The following ASTN2 variants were observed in gnomAD, a reference collection of about 807,000 sequenced individuals.
ASTN2 encodes astrotactin-2.
Under a neutral mutation model 139.8 loss-of-function variants are expected in ASTN2, and 54 were observed. That is an observed-to-expected ratio of 0.39 (90% CI 0.31 to 0.48). ASTN2 has a LOEUF of 0.48. Among genes scored for constraint, ASTN2 ranks in the 20% least tolerant of loss-of-function variants. The probability of loss-of-function intolerance (pLI) is 0.95; values close to 1 mark genes in which losing one functional copy is unlikely to be tolerated. For synonymous variants in ASTN2, 756 were observed against 719.5 expected (o/e 1.05, Z -0.81); for missense variants, 1,565 against 1,725.1 (o/e 0.91, Z 1.64).
chr9:116,979,112 A>C (rs1836437848), intron 7 of ASTN2, among the ~76,000 whole-genome samples: 2 of 152,216 alleles, frequency 1.3e-5, no homozygotes, highest in African/African-American at 4.8e-5. Flanking sequence ...CTTGTTTTAT[A>C]GATGACACTG....
At chr9:116,569,374 C>G (rs571290852) in intron 19 of ASTN2, among the ~76,000 whole-genome samples, 2 of 152,226 alleles carry the variant, frequency 1.3e-5, no homozygotes, top group East Asian at 3.9e-4. Flanking sequence ...GTTCCTGGCA[C>G]AATATTAAGT....
At chr9:116,573,906 A>G (rs1207994457) in intron 19 of ASTN2, among the ~76,000 whole-genome samples, 1 of 152,216 alleles carries the variant, frequency 6.6e-6, no homozygotes. Flanking sequence ...CCCCAAAGCC[A>G]TACGTTGTAC....
chr9:117,197,778 T>C (rs1375974242), intron 3 of ASTN2, among the ~76,000 whole-genome samples: 1 of 152,224 alleles, frequency 6.6e-6, no homozygotes, highest in Non-Finnish European at 1.5e-5. Flanking sequence ...AATACAAACT[T>C]CTTTTTTTGT....
At chr9:116,908,960 G>A (rs746559957) in intron 10 of ASTN2, among the ~76,000 whole-genome samples, 1 of 152,162 alleles carries the variant, frequency 6.6e-6, no homozygotes, top group Non-Finnish European at 1.5e-5. Context: ...AGCATGGAGT[G>A]CTAGAAGGAC....
At chr9:117,072,352 C>G (rs1828158389) in intron 5 of ASTN2, among the ~76,000 whole-genome samples, 1 of 152,172 alleles carries the variant, frequency 6.6e-6, no homozygotes, top group Non-Finnish European at 1.5e-5. Context: ...CACTGTGGAT[C>G]GTAATGCTGA....
At chr9:117,006,293 A>G (rs10817972) in intron 7 of ASTN2, among the ~76,000 whole-genome samples, 111,622 of 151,948 alleles carry the variant, frequency 0.73, 45,313 homozygotes, top group East Asian at 0.93. Flanking sequence ...CTTACACCCA[A>G]AACAACACTC....
At chr9:116,429,058 G>A (rs1847406012) in intron 22 of ASTN2, among the ~76,000 whole-genome samples, 1 of 152,056 alleles carries the variant, frequency 6.6e-6, no homozygotes, top group Non-Finnish European at 1.5e-5. Flanking sequence ...CCAAGTGGAG[G>A]CCAGGAGCAG....
chr9:117,216,100 T>C (rs1459406100), intron 2 of ASTN2, among the ~76,000 whole-genome samples: 2 of 152,236 alleles, frequency 1.3e-5, no homozygotes, highest in African/African-American at 4.8e-5. Flanking sequence ...GACAACTATC[T>C]GTACAGCATC....
chr9:116,666,954 T>A (rs1242566938), intron 16 of ASTN2, among the ~76,000 whole-genome samples: 2 of 132,544 alleles, frequency 1.5e-5, no homozygotes, highest in Non-Finnish European at 3.2e-5. Context: ...TTATTCTTTT[T>A]TTTTTTTTTT....
In ASTN2 at chr9:116,698,907, G is replaced by A; in HGVS notation, c.2806+26864C>T. 1 of 1,614,190 alleles carries A rather than the reference G, an allele frequency of 6.2e-7. No individual in the cohort carries two copies. Among genetic ancestry groups the A allele is most frequent in the South Asian group, 1.1e-5 (1 of 91,068 alleles). On this transcript the variant is annotated intron_variant, in intron 16 of 22. Coordinates refer to ENST00000313400, the MANE Select transcript of ASTN2 (RefSeq NM_001365068.1). The surrounding 1 kb of genome is among the most constrained non-coding windows in gnomAD (Gnocchi z 4.4). ...CAGTCAAGGTGAAGTACTAGTCGCT[G>A]ACCGTGGTAACTATCGTATACAAGT...
intron 6 of ASTN2, among the ~76,000 whole-genome samples, chr9:117,024,084 C>T (rs7854767): frequency 0.42 from 63,739 of 151,932 alleles, 13,446 homozygotes; most frequent in East Asian, 0.56. Context: ...AGTCTCATCC[C>T]ATCCTCAAAC....
At chr9:116,468,326 T>C (rs1327951082) in intron 20 of ASTN2, among the ~76,000 whole-genome samples, 1 of 152,194 alleles carries the variant, frequency 6.6e-6, no homozygotes, top group Non-Finnish European at 1.5e-5. Flanking sequence ...TTATTGTTTA[T>C]CCTCCACAGG....
At chr9:116,839,501 A>G (rs1564296720) in intron 11 of ASTN2, among the ~76,000 whole-genome samples, 1 of 151,790 alleles carries the variant, frequency 6.6e-6, no homozygotes, top group Non-Finnish European at 1.5e-5. Context: ...TCCTTTTGAG[A>G]CAGAGTCTCG....
intron 1 of ASTN2, among the ~76,000 whole-genome samples, chr9:117,381,384 A>G (rs1321725155): frequency 2.0e-5 from 3 of 152,150 alleles, no homozygotes; most frequent in African/African-American, 7.2e-5. Flanking sequence ...ATGTTGAAAT[A>G]CAACCCCCAG....
In ASTN2 at chr9:116,857,520, G is replaced by A. The variant is rs114285865; in HGVS notation, c.2040+6063C>T. Among the ~76,000 whole-genome samples, 967 of 152,256 alleles carry A rather than the reference G, an allele frequency of 6.4e-3. 6 individuals carry two copies. The highest frequency in any genetic ancestry group is 0.022 in the African/African-American group (905 of 41,534). On this transcript the variant is annotated intron_variant, in intron 11 of 22. Coordinates refer to ENST00000313400, the MANE Select transcript of ASTN2 (RefSeq NM_001365068.1). ...ACAGTGCTGGATACAGGAATGTTGCGAAATAAATAATTATACTATATAGTG... is the reference window on the plus strand; with the variant it reads ...ACAGTGCTGGATACAGGAATGTTGCAAAATAAATAATTATACTATATAGTG...
intron 13 of ASTN2, 56 bp downstream of exon 13, chr9:116,805,576 G>A: frequency 7.1e-6 from 11 of 1,548,282 alleles, no homozygotes; most frequent in Non-Finnish European, 8.8e-6. Flanking sequence ...TCCTCCCTGT[G>A]CCCAGGTTGT....
chr9:117,110,981 A>G (rs975570184), intron 4 of ASTN2, among the ~76,000 whole-genome samples: 1 of 152,190 alleles, frequency 6.6e-6, no homozygotes, highest in African/African-American at 2.4e-5. Flanking sequence ...CCTCTGGACT[A>G]CACATGTGAA....
intron 16 of ASTN2, among the ~76,000 whole-genome samples, chr9:116,689,410 T>G (rs1860450282): frequency 6.6e-6 from 1 of 152,212 alleles, no homozygotes; most frequent in South Asian, 2.1e-4. Context: ...TCTCAAAATC[T>G]AGTAATTTTT....
chr9:116,568,690 C>G (rs1450916478), intron 19 of ASTN2: 1 of 152,208 alleles, frequency 6.6e-6, no homozygotes, highest in Non-Finnish European at 1.5e-5. Flanking sequence ...CTCTCTGAGG[C>G]CCAGGGACAT....
Sources: gnomAD v4.1 joint callset for allele counts (sites outside exome capture counted in the v4.1 genomes callset) on GRCh38, gnomAD v4.1.1 for gene constraint, Gnocchi (gnomAD v3.1) non-coding constraint, MANE v1.5 for transcripts, NCBI Gene and HGNC (gene_info 2026-07-23, HGNC 2026-07-21) for gene names.